LYRM1: variants seen among roughly 807,000 people sequenced by gnomAD.
LYRM1 encodes the protein LYR motif containing 1, also known as LYR motif-containing protein 1.
Under a neutral mutation model 14.9 loss-of-function variants are expected in LYRM1, and 14 were observed. The observed-to-expected ratio is 0.94, with a 90% confidence interval of 0.62 to 1.47. The LOEUF is 1.47. Among genes scored for constraint, LYRM1 ranks in the 40% most tolerant of loss-of-function variants. The pLI is 0.00. For synonymous variants in LYRM1, 43 were observed against 56.2 expected (o/e 0.77, Z 1.05); for missense variants, 153 against 149.9 (o/e 1.02, Z -0.11).
At chr16:20,911,790 G>A (rs971717446) in intron 1 of LYRM1, among the ~76,000 whole-genome samples, 1 of 152,062 alleles carries the variant, frequency 6.6e-6, no homozygotes, top group African/African-American at 2.4e-5. Flanking sequence ...TAGAGATAGG[G>A]TCTCTTTATA....
chr16:20,909,669 G>A (rs2082492552), intron 1 of LYRM1, among the ~76,000 whole-genome samples: 1 of 151,984 alleles, frequency 6.6e-6, no homozygotes, highest in Admixed American at 6.6e-5. Flanking sequence ...TCCATATTCG[G>A]GAAAAGCTGA....
chr16:20,922,690 A>G (rs1055316764), intron 3 of LYRM1, among the ~76,000 whole-genome samples: 1 of 152,186 alleles, frequency 6.6e-6, no homozygotes, highest in East Asian at 1.9e-4. Flanking sequence ...GGGTTTCACT[A>G]TGTTGGCCAG....
At chr16:20,911,005 T>C (rs1198313123) in intron 1 of LYRM1, among the ~76,000 whole-genome samples, 1 of 152,220 alleles carries the variant, frequency 6.6e-6, no homozygotes, top group Non-Finnish European at 1.5e-5. Flanking sequence ...CTCAGAAACC[T>C]GTTTCCTTAC....
intron 3 of LYRM1, 170 bp downstream of exon 3, chr16:20,920,384 A>C (rs2083128430): frequency 1.6e-6 from 1 of 631,146 alleles, no homozygotes; most frequent in Non-Finnish European, 2.9e-6. Flanking sequence ...ACAACAAAGT[A>C]AAATGTCAAT....
intron 2 of LYRM1, among the ~76,000 whole-genome samples, chr16:20,919,468 A>G (rs2083075734): frequency 6.6e-6 from 1 of 152,216 alleles, no homozygotes; most frequent in Admixed American, 6.5e-5. Flanking sequence ...GCATGAATCT[A>G]TGCCTTTGTC....
In LYRM1 at chr16:20,915,813, A is replaced by G. The variant is rs996300741; in HGVS notation, c.159+99A>G. The G allele has an allele frequency of 4.0e-5, 53 of 1,314,268 alleles. No individual in the cohort carries two copies. The South Asian group carries it at 7.3e-4, about 18-fold the overall frequency. The allele number at this position is 1,314,268 out of a possible 1,614,324, so 81.4% of individuals were successfully genotyped here. A position where few individuals can be genotyped will look rare whatever the true frequency, so the allele number is the denominator to read the frequency against. ...TTTAATCAAGAGGGCTGAGCCGCAC[A>G]GTCATGGTGGCAGAACTTGGGGCAG... On this transcript the variant is annotated intron_variant, in intron 2 of 3. Transcript: ENST00000567954.
At chr16:20,922,394 G>T (rs1413396067) in intron 3 of LYRM1, among the ~76,000 whole-genome samples, 2 of 152,168 alleles carry the variant, frequency 1.3e-5, no homozygotes, top group Admixed American at 1.3e-4. Context: ...TGTACATCTA[G>T]GGACAGCTAG....
intron 1 of LYRM1, among the ~76,000 whole-genome samples, chr16:20,907,840 T>A (rs1256548283): frequency 6.6e-6 from 1 of 152,158 alleles, no homozygotes; most frequent in Admixed American, 6.5e-5. Context: ...ATTTGTATCT[T>A]ATTACTCTTC....
At chr16:20,902,820 C>G (rs1193449370) in intron 1 of LYRM1, 1 of 152,180 alleles carries the variant, frequency 6.6e-6, no homozygotes, top group African/African-American at 2.4e-5. Context: ...TTCCTGGCTC[C>G]TGGTACAGAG....
intron 1 of LYRM1, among the ~76,000 whole-genome samples, chr16:20,904,691 T>TTTTGTGTGTGTG (rs148224628): frequency 0.09 from 12,636 of 140,970 alleles, 615 homozygotes; most frequent in Middle Eastern, 0.18. Context: ...AAGTCTGTGG[T>TTTTGTGTGTGTG]TGTGTGTGTG....
At chr16:20,918,668 T>C (rs1188724066) in intron 2 of LYRM1, among the ~76,000 whole-genome samples, 1 of 152,184 alleles carries the variant, frequency 6.6e-6, no homozygotes, top group Non-Finnish European at 1.5e-5. Context: ...GGCTTTTTCT[T>C]TCTTCCTAGT....
chr16:20,910,175 A>G (rs770717688), intron 1 of LYRM1, among the ~76,000 whole-genome samples: 1 of 152,252 alleles, frequency 6.6e-6, no homozygotes, highest in Non-Finnish European at 1.5e-5. Context: ...CCCTAAGGCA[A>G]GAAAGAACAT....
chr16:20,908,144 G>A (rs1266942912), intron 1 of LYRM1, among the ~76,000 whole-genome samples: 1 of 152,186 alleles, frequency 6.6e-6, no homozygotes, highest in Non-Finnish European at 1.5e-5. Context: ...GTTGCCACGG[G>A]GAATGGAAGA....
chr16:20,901,527 GAGA>G lies in LYRM1; in HGVS notation c.-1+642_-1+644del, dbSNP rs2082052847. 6.6e-6 allele frequency among the ~76,000 whole-genome samples: 1 copy of G among 152,200 alleles called. No individual in the cohort carries two copies. Among genetic ancestry groups the G allele is most frequent in the Non-Finnish European group, 1.5e-5 (1 of 68,046 alleles). On this transcript the variant is annotated intron_variant, in intron 1 of 3. Transcript: ENST00000567954. The surrounding 1 kb of genome is among the most constrained non-coding windows in gnomAD (Gnocchi z 4.6). ...CGAGACAATGGGTTTTCTGGGTGGA[GAGA>G]AGAGCCAATGAGAAGGACTTTTAGG...
intron 1 of LYRM1, among the ~76,000 whole-genome samples, chr16:20,905,665 T>C (rs187941537): frequency 6.6e-6 from 1 of 152,354 alleles, no homozygotes; most frequent in East Asian, 1.9e-4. Context: ...TGTTTGGTTC[T>C]AAACTTCATG....
At position 20,915,652 on chromosome 16, in the gene LYRM1, A is replaced by G. The variant is rs1359477428; in HGVS notation, c.97A>G (p.Thr33Ala). ...GGCGACATCAGGGCAGATGGAAGAC[A>G]CCATCAAAGAAAAACAGTACATACT... ...WQATSGQMED[T>A]IKEKQYILNE... is the part of the protein sequence containing the mutation. Residue 33 changes from threonine to alanine, a missense_variant, in exon 2 of 4, where the codon ACC (threonine) becomes GCC (alanine). Physicochemically the swap from Thr to Ala is moderately conservative, Grantham distance 58. Transcript: ENST00000567954. The G allele has an allele frequency of 6.2e-7, 1 of 1,614,182 alleles. No homozygotes were observed. The highest frequency in any genetic ancestry group is 1.1e-5 in the South Asian group (1 of 91,082).
intron 1 of LYRM1, among the ~76,000 whole-genome samples, chr16:20,903,683 C>T (rs111794350): frequency 0.02 from 2,991 of 152,186 alleles, 53 homozygotes; most frequent in Non-Finnish European, 0.03. Context: ...TCTGGTGCCT[C>T]TGCAGATGGG....
intron 1 of LYRM1, among the ~76,000 whole-genome samples, chr16:20,911,444 A>G (rs544806172): frequency 9.2e-5 from 14 of 152,250 alleles, no homozygotes; most frequent in Non-Finnish European, 1.5e-4. Flanking sequence ...CTTTCCCTCC[A>G]TAAGTTGAAA....
intron 1 of LYRM1, among the ~76,000 whole-genome samples, chr16:20,911,917 G>T (rs915657614): frequency 5.3e-5 from 8 of 151,726 alleles, no homozygotes; most frequent in African/African-American, 1.9e-4. Context: ...TAAATAAGTT[G>T]TTGGGGTTTG....
Sources: gnomAD v4.1 joint callset for allele counts (sites outside exome capture counted in the v4.1 genomes callset) on GRCh38, gnomAD v4.1.1 for gene constraint, Gnocchi (gnomAD v3.1) non-coding constraint, MANE v1.5 for transcripts, NCBI Gene and HGNC (gene_info 2026-07-23, HGNC 2026-07-21) for gene names.